Variants in CDC42BPA observed in about 807,000 individuals in gnomAD.
CDC42BPA encodes CDC42 binding protein kinase alpha.
In CDC42BPA, 80 loss-of-function variants were observed where a neutral mutation model predicts 223.5. The ratio of observed to expected loss-of-function variants is 0.36; its 90% CI spans 0.30 to 0.43. The LOEUF is 0.43. CDC42BPA is among the 20% of genes least tolerant of loss of function. The pLI is 1.00. For synonymous variants in CDC42BPA, 694 were observed against 718.6 expected (o/e 0.97, Z 0.55); for missense variants, 1,743 against 2,099.9 (o/e 0.83, Z 3.32).
intron 16 of CDC42BPA, 96 bp from the exon 17 acceptor site, chr1:227,081,113 C>T: frequency 8.7e-7 from 1 of 1,151,638 alleles, no homozygotes; most frequent in South Asian, 1.4e-5. Flanking sequence ...ACATCATCTA[C>T]CCAAAAATGC....
chr1:227,230,982 A>G (rs1677816666), intron 2 of CDC42BPA, among the ~76,000 whole-genome samples: 1 of 151,836 alleles, frequency 6.6e-6, no homozygotes, highest in Non-Finnish European at 1.5e-5. Context: ...CACCAAGCCT[A>G]GCTAATAATT....
At chr1:227,230,816 C>CTTTTTTTTTTTTTTTTTTTTT (rs34787332) in intron 2 of CDC42BPA, among the ~76,000 whole-genome samples, 27 of 54,062 alleles carry the variant, frequency 5.0e-4, no homozygotes, top group Non-Finnish European at 7.3e-4. Flanking sequence ...TTTTTTCTTT[C>CTTTTTTTTTTTTTTTTTTTTT]TTTCTTTTTT....
At chr1:227,294,146 C>T (rs545491778) in intron 1 of CDC42BPA, among the ~76,000 whole-genome samples, 6 of 151,806 alleles carry the variant, frequency 4.0e-5, no homozygotes, top group African/African-American at 9.7e-5. Context: ...GTGGCAGGCA[C>T]CTGTAGTCCC....
chr1:227,060,029 TG>T (rs373464149), intron 21 of CDC42BPA, among the ~76,000 whole-genome samples: 3,404 of 110,056 alleles, frequency 0.031, 192 homozygotes, highest in African/African-American at 0.1. Context: ...AGTTTTTTTT[TG>T]TTTTTTTTTT....
intron 21 of CDC42BPA, among the ~76,000 whole-genome samples, chr1:227,063,941 G>A (rs943799154): frequency 1.1e-4 from 17 of 152,154 alleles, no homozygotes; most frequent in Non-Finnish European, 5.9e-5. Flanking sequence ...GAAGTTAGAA[G>A]CCATGACTGA....
intron 10 of CDC42BPA, among the ~76,000 whole-genome samples, chr1:227,133,964 A>AAAATAAATAAATAAATAAAT (rs1191259356): frequency 1.0e-4 from 4 of 38,798 alleles, no homozygotes; most frequent in East Asian, 4.5e-4. Context: ...GATCAATAAA[A>AAAATAAATAAATAAATAAAT]AAATAAATGA....
intron 2 of CDC42BPA, among the ~76,000 whole-genome samples, chr1:227,247,637 C>A (rs2670444): frequency 0.31 from 46,694 of 151,850 alleles, 7,330 homozygotes; most frequent in East Asian, 0.37. Context: ...GTAATCCCAA[C>A]ACTTTGGGAG....
intron 34 of CDC42BPA, among the ~76,000 whole-genome samples, chr1:227,014,471 G>A (rs1665830893): frequency 1.3e-5 from 2 of 152,044 alleles, no homozygotes; most frequent in African/African-American, 2.4e-5. Flanking sequence ...AGCAAGCAGA[G>A]CCAACTGATG....
intron 34 of CDC42BPA, among the ~76,000 whole-genome samples, chr1:227,008,080 C>G (rs770665505): frequency 2.0e-5 from 3 of 152,148 alleles, no homozygotes; most frequent in African/African-American, 7.2e-5. Flanking sequence ...ATTTCTTATA[C>G]TGACTGTTAT....
intron 5 of CDC42BPA, among the ~76,000 whole-genome samples, chr1:227,162,775 G>T (rs998559971): frequency 6.6e-6 from 1 of 152,152 alleles, no homozygotes; most frequent in Admixed American, 6.5e-5. Flanking sequence ...GGTCAAGGCT[G>T]CAGTGAGCCG....
At position 227,030,478 on chromosome 1, in the gene CDC42BPA, A is replaced by C. The variant is rs146234275; in HGVS notation, c.3776-8T>G. The C allele has an allele frequency of 1.6e-3, 2,484 of 1,550,456 alleles. 45 individuals are homozygous for C. The highest frequency in any genetic ancestry group is 6.2e-4 in the South Asian group (52 of 83,546). On this transcript the variant is annotated splice_region_variant and splice_polypyrimidine_tract_variant and intron_variant, in intron 28 of 36. Transcript: ENST00000366766. ...AAGCAATTCTTTCATGATCTATGTA[A>C]GACATGAATGTGAAAGATTTTTATT...
intron 1 of CDC42BPA, among the ~76,000 whole-genome samples, chr1:227,278,667 G>A (rs12410267): frequency 0.31 from 46,763 of 151,938 alleles, 7,382 homozygotes; most frequent in East Asian, 0.37. Context: ...CCCTAATTGC[G>A]TTTTGGGGTC....
chr1:227,263,926 G>C (rs1444569975), intron 1 of CDC42BPA, among the ~76,000 whole-genome samples: 2 of 152,128 alleles, frequency 1.3e-5, no homozygotes, highest in African/African-American at 4.8e-5. Flanking sequence ...CCTAAAGAAT[G>C]AGTGTAATCT....
intron 1 of CDC42BPA, among the ~76,000 whole-genome samples, chr1:227,305,207 T>C (rs764031900): frequency 9.9e-5 from 15 of 152,190 alleles, no homozygotes; most frequent in Non-Finnish European, 1.5e-4. Context: ...ATACTATACT[T>C]GCAATGTTTC....
intron 3 of CDC42BPA, among the ~76,000 whole-genome samples, chr1:227,202,615 T>A (rs1465934391): frequency 6.6e-6 from 1 of 152,198 alleles, no homozygotes; most frequent in East Asian, 1.9e-4. Flanking sequence ...ACTAAAAAAA[T>A]TATTTTTTAA....
At chr1:227,262,037 G>T (rs1471075682) in intron 1 of CDC42BPA, among the ~76,000 whole-genome samples, 2 of 148,780 alleles carry the variant, frequency 1.3e-5, no homozygotes, top group African/African-American at 2.5e-5. Flanking sequence ...TCAAAAGTGA[G>T]CTCACAATTG....
At position 226,994,164 on chromosome 1, in the gene CDC42BPA, C is replaced by T; in HGVS notation, c.*104G>A. On this transcript the variant is annotated 3_prime_UTR_variant, in exon 37 of 37. Coordinates refer to ENST00000366766, the MANE Select transcript of CDC42BPA (RefSeq NM_001394014.1). This position sits in a 1 kb window ranked among gnomAD's most constrained non-coding sequence, Gnocchi z 4.0. ...CCTGTCCTGCTACTGCTGCCAGCCC[C>T]TGGTGGCTTTCAGGCCGAGCAGGCG... 1.7e-6 allele frequency: 2 copies of T among 1,153,088 alleles called. No homozygotes were observed. The highest frequency in any genetic ancestry group is 1.2e-6 in the Non-Finnish European group (1 of 818,320). 71.4% of individuals were successfully genotyped at this position (1,153,088 alleles called of 1,614,324 possible). A position where few individuals can be genotyped will look rare whatever the true frequency, so the allele number is the denominator to read the frequency against.
intron 1 of CDC42BPA, among the ~76,000 whole-genome samples, chr1:227,272,803 T>C (rs1321686263): frequency 7.3e-6 from 1 of 136,570 alleles, no homozygotes; most frequent in Non-Finnish European, 1.6e-5. Context: ...AACAGAATAA[T>C]TATTTTTTTA....
intron 1 of CDC42BPA, among the ~76,000 whole-genome samples, chr1:227,307,803 C>G (rs1425730484): frequency 6.6e-6 from 1 of 152,148 alleles, no homozygotes; most frequent in Admixed American, 6.5e-5. Flanking sequence ...AAATGAACAA[C>G]ACATCAATAA....
Sources: gnomAD v4.1 joint callset for allele counts (sites outside exome capture counted in the v4.1 genomes callset) on GRCh38, gnomAD v4.1.1 for gene constraint, Gnocchi (gnomAD v3.1) non-coding constraint, MANE v1.5 for transcripts, NCBI Gene and HGNC (gene_info 2026-07-23, HGNC 2026-07-21) for gene names.